Variants in CYRIB observed in about 807,000 individuals in gnomAD.
CYRIB encodes CYFIP-related Rac1 interactor B.
A neutral mutation model predicts 44.2 loss-of-function variants in CYRIB; 8 were observed. That is an observed-to-expected ratio of 0.18 (90% CI 0.11 to 0.33). CYRIB has a LOEUF of 0.33. Among genes scored for constraint, CYRIB ranks in the 10% least tolerant of loss-of-function variants. The pLI is 1.00. For missense variants in CYRIB, 185 were observed against 382.8 expected, an observed-to-expected ratio of 0.48 and a Z score of 4.31; for synonymous variants, 131 against 127.2, an observed-to-expected ratio of 1.03 and a Z score of -0.20.
intron 11 of CYRIB, chr8:129,844,355 T>C (rs182527412): frequency 6.6e-5 from 10 of 152,268 alleles, no homozygotes; most frequent in Middle Eastern, 3.4e-3. Context: ...CACTCACTTA[T>C]CAAGAAAAGG....
At chr8:129,919,851 G>T (rs1312356927) in intron 1 of CYRIB, among the ~76,000 whole-genome samples, 1 of 151,954 alleles carries the variant, frequency 6.6e-6, no homozygotes, top group Non-Finnish European at 1.5e-5. Flanking sequence ...TAAGAAAAAG[G>T]CTTTATTAAA....
At chr8:130,006,647 TATAC>T (rs2097102024) in intron 1 of CYRIB, among the ~76,000 whole-genome samples, 2 of 129,134 alleles carry the variant, frequency 1.5e-5, no homozygotes, top group Non-Finnish European at 3.3e-5. Flanking sequence ...TGTGTATATA[TATAC>T]ATATATATAT....
At chr8:129,968,650 C>T (rs1172877475) in intron 2 of CYRIB, among the ~76,000 whole-genome samples, 1 of 152,130 alleles carries the variant, frequency 6.6e-6, no homozygotes, top group Non-Finnish European at 1.5e-5. Context: ...GGTACTAGAC[C>T]AGTTCTTACG....
intron 1 of CYRIB, among the ~76,000 whole-genome samples, chr8:130,012,125 T>C (rs1267627386): frequency 6.6e-6 from 1 of 151,986 alleles, no homozygotes. Flanking sequence ...AACCTCCTCA[T>C]CAACTTCGAT....
chr8:129,861,122 C>T (rs528491763), intron 5 of CYRIB, among the ~76,000 whole-genome samples: 3 of 152,154 alleles, frequency 2.0e-5, no homozygotes, highest in Non-Finnish European at 2.9e-5. Context: ...TATGGAAGTA[C>T]GTGTTTTAAC....
At chr8:129,960,929 G>A (rs558227746) in intron 2 of CYRIB, among the ~76,000 whole-genome samples, 25 of 141,646 alleles carry the variant, frequency 1.8e-4, no homozygotes, top group African/African-American at 5.6e-4. Context: ...CAGCCTGGGC[G>A]ACAGAGCAAG....
intron 1 of CYRIB, among the ~76,000 whole-genome samples, chr8:130,016,040 G>A (rs1177775698): frequency 6.6e-6 from 1 of 151,534 alleles, no homozygotes; most frequent in Non-Finnish European, 1.5e-5. Context: ...CCCCTGCCTC[G>A]AGGCGCACAA....
intron 4 of CYRIB, among the ~76,000 whole-genome samples, chr8:129,870,840 A>G (rs1164546380): frequency 6.6e-6 from 1 of 152,224 alleles, no homozygotes; most frequent in African/African-American, 2.4e-5. Context: ...GATTTAATTA[A>G]GAGAAGAAGA....
At chr8:129,910,817 C>T (rs1273722968) in intron 1 of CYRIB, among the ~76,000 whole-genome samples, 4 of 152,222 alleles carry the variant, frequency 2.6e-5, no homozygotes, top group East Asian at 3.9e-4. Flanking sequence ...AAGAGAAACA[C>T]GGTCTCGCTC....
rs117815888 is a variant in CYRIB, at chr8:129,945,147, T to C, written c.-243+25796A>G. Among the ~76,000 whole-genome samples, 200 of 152,318 alleles carry C rather than the reference T, an allele frequency of 1.3e-3. 2 individuals carry two copies. The highest frequency in any genetic ancestry group is 3.7e-3 in the Admixed American group (56 of 15,306). ...GGCAACCGCATTGCTGTATTGCAGG[T>C]AAAAAATGCGGAACTATGGAAAAGA... On this transcript the variant is annotated intron_variant, in intron 2 of 14. Transcript: ENST00000401979.
Position 129,964,855 on chromosome 8 carries a change from A to G in CYRIB, c.-243+6088T>C, listed in dbSNP as rs1301675116. On this transcript the variant is annotated intron_variant, in intron 2 of 14. Transcript: ENST00000401979. ...CACTTCAGCCTGGGTAGTCAAGCAA[A>G]AGTCTGCCTCCAAAGAAATAAAGAA... is the stretch of plus-strand genomic sequence containing the variant. 1.3e-5 allele frequency among the ~76,000 whole-genome samples: 2 copies of G among 152,146 alleles called. 1 individual carries two copies. The highest frequency in any genetic ancestry group is 4.8e-5 in the African/African-American group (2 of 41,416).
At chr8:129,917,257 C>T (rs1232108642) in intron 1 of CYRIB, among the ~76,000 whole-genome samples, 1 of 152,132 alleles carries the variant, frequency 6.6e-6, no homozygotes, top group African/African-American at 2.4e-5. Flanking sequence ...AGTCATCATT[C>T]TTACCTGTAC....
At chr8:129,855,411 G>A (rs2045703095) in intron 6 of CYRIB, among the ~76,000 whole-genome samples, 200 bp downstream of exon 8, 1 of 150,860 alleles carries the variant, frequency 6.6e-6, no homozygotes, top group African/African-American at 2.4e-5. Flanking sequence ...AAAAAAGATT[G>A]AGACCGAATA....
chr8:129,903,981 G>A (rs2135850633), intron 1 of CYRIB, among the ~76,000 whole-genome samples: 1 of 152,248 alleles, frequency 6.6e-6, no homozygotes, highest in South Asian at 2.1e-4. Flanking sequence ...TCCAATTCCT[G>A]GTGCTCAAGT....
At chr8:129,924,454 A>C (rs184418829) in intron 1 of CYRIB, among the ~76,000 whole-genome samples, 384 of 152,168 alleles carry the variant, frequency 2.5e-3, no homozygotes, top group Non-Finnish European at 3.9e-3. Flanking sequence ...ACATTCTTCG[A>C]AAAATTCATT....
intron 1 of CYRIB, among the ~76,000 whole-genome samples, chr8:129,988,792 T>G (rs967137745): frequency 2.0e-5 from 3 of 151,728 alleles, no homozygotes; most frequent in Non-Finnish European, 2.9e-5. Context: ...TTTTTTCTCC[T>G]TGTTTTAATT....
chr8:129,873,741 C>T (rs915819410), intron 3 of CYRIB, among the ~76,000 whole-genome samples: 9 of 151,858 alleles, frequency 5.9e-5, no homozygotes, highest in Non-Finnish European at 1.0e-4. Context: ...AACATACAAA[C>T]GAAACATTAT....
At chr8:129,864,295 A>G (rs1207817745) in intron 4 of CYRIB, among the ~76,000 whole-genome samples, 1 of 152,278 alleles carries the variant, frequency 6.6e-6, no homozygotes, top group Non-Finnish European at 1.5e-5. Flanking sequence ...CACATTCTAT[A>G]GTAATGAGAA....
chr8:130,014,374 A>G (rs2097294685), intron 1 of CYRIB, among the ~76,000 whole-genome samples: 2 of 152,220 alleles, frequency 1.3e-5, no homozygotes, highest in Admixed American at 6.5e-5. Context: ...AGGTTGCAGT[A>G]AGACATGATC....
Sources: allele counts gnomAD v4.1 joint callset (sites outside exome capture counted in the v4.1 genomes callset), GRCh38; gene constraint gnomAD v4.1.1; transcripts MANE v1.5; gene names NCBI Gene and HGNC (gene_info 2026-07-23, HGNC 2026-07-21).